The following ATRN variants were observed in gnomAD, a reference collection of about 807,000 sequenced individuals.
ATRN encodes attractin-2.
ATRN carries 54 observed loss-of-function variants against 178.7 expected under a neutral mutation model. That is an observed-to-expected ratio of 0.30 (90% CI 0.24 to 0.38). The LOEUF (loss-of-function observed/expected upper bound fraction) is 0.38. Among genes scored for constraint, ATRN ranks in the 10% least tolerant of loss-of-function variants. The pLI, the probability that ATRN is intolerant of heterozygous loss-of-function variation, is 1.00. For synonymous variants in ATRN, 636 were observed against 663.0 expected, an observed-to-expected ratio of 0.96 and a Z score of 0.63; for missense variants, 1,443 against 1,815.1, an observed-to-expected ratio of 0.79 and a Z score of 3.73.
In ATRN at chr20:3,638,905, G is replaced by T. The variant is rs1321820372; in HGVS notation, c.4020G>T (p.Glu1340Asp). The T allele has an allele frequency of 6.2e-7, 1 of 1,614,130 alleles. No individual in the cohort carries two copies. Among genetic ancestry groups the T allele is most frequent in the African/African-American group, 1.3e-5 (1 of 75,034 alleles). ...ATGTCGCCTTGGAAACAGATGAGGAGCCTCCTGATCTTATTGGGGGGAGTA... is the reference window on the plus strand; with the variant it reads ...ATGTCGCCTTGGAAACAGATGAGGATCCTCCTGATCTTATTGGGGGGAGTA... ...SVNVALETDE[E>D]PPDLIGGSIK... Residue 1340 changes from glutamate (E) to aspartate (D), a missense_variant, in exon 27 of 29, where the codon GAG becomes GAT. By Grantham distance (45) the Glu-to-Asp change is conservative. Transcript: ENST00000262919. This position sits in a 1 kb window ranked among gnomAD's most constrained non-coding sequence, Gnocchi z 4.5.
chr20:3,514,723 G>C lies in ATRN; in HGVS notation c.411-20530G>C, dbSNP rs146231820. 2.0e-3 allele frequency among the ~76,000 whole-genome samples: 308 copies of C among 152,238 alleles called. 2 individuals are homozygous for C. The highest frequency in any genetic ancestry group is 6.7e-3 in the African/African-American group (277 of 41,552). ...GCCTGTAATCCTAACACTTTGGGAG[G>C]CTGAGGTGGGAAGATTGCTTGAGGC... On this transcript the variant is annotated intron_variant, in intron 1 of 28. Transcript: ENST00000262919.
intron 25 of ATRN, among the ~76,000 whole-genome samples, chr20:3,633,382 C>T (rs892307048): frequency 6.6e-6 from 1 of 152,182 alleles, no homozygotes; most frequent in Non-Finnish European, 1.5e-5. Flanking sequence ...CTCCAGCCAG[C>T]CCAGGAGGGC....
At chr20:3,578,485 G>A (rs1045674057) in intron 14 of ATRN, 97 bp from the exon 15 acceptor site, 13 of 1,119,870 alleles carry the variant, frequency 1.2e-5, no homozygotes, top group Admixed American at 1.0e-4. Context: ...ATTTAAATTA[G>A]AAAGGCCATT....
chr20:3,568,454 A>G (rs1482485573), intron 11 of ATRN, among the ~76,000 whole-genome samples: 1 of 152,160 alleles, frequency 6.6e-6, no homozygotes, highest in Non-Finnish European at 1.5e-5. Flanking sequence ...TTGAGGCTGC[A>G]GTGAGCTATG....
chr20:3,627,188 G>T (rs2086948528), intron 25 of ATRN, among the ~76,000 whole-genome samples: 1 of 152,156 alleles, frequency 6.6e-6, no homozygotes, highest in Admixed American at 6.5e-5. Flanking sequence ...GTGCTTCGAG[G>T]TTATAGCTGT....
At chr20:3,534,819 A>AT (rs914331378) in intron 1 of ATRN, among the ~76,000 whole-genome samples, 1 of 152,104 alleles carries the variant, frequency 6.6e-6, no homozygotes, top group Non-Finnish European at 1.5e-5. Flanking sequence ...AATTTAAGAA[A>AT]TTTATCGCTG....
intron 26 of ATRN, among the ~76,000 whole-genome samples, chr20:3,636,860 TGCACTAAGTGAAAGG>T (rs2087028951): frequency 6.6e-6 from 1 of 152,184 alleles, no homozygotes; most frequent in Admixed American, 6.6e-5. Context: ...TTCTAGACTG[TGCACTAAGTGAAAGG>T]GCACTAAGAA....
intron 14 of ATRN, among the ~76,000 whole-genome samples, chr20:3,578,120 T>G (rs1270524014): frequency 6.6e-6 from 1 of 152,216 alleles, no homozygotes; most frequent in Non-Finnish European, 1.5e-5. Context: ...GTACACTTGA[T>G]TGTACCTTCC....
chr20:3,595,594 T>C (rs2086518066), intron 20 of ATRN, among the ~76,000 whole-genome samples: 1 of 152,218 alleles, frequency 6.6e-6, no homozygotes, highest in Non-Finnish European at 1.5e-5. Flanking sequence ...CAGAAAAATG[T>C]CATCGAGCAA....
At chr20:3,629,317 T>C in intron 25 of ATRN, 1 of 984,838 alleles carries the variant, frequency 1.0e-6, no homozygotes, top group South Asian at 4.7e-5. Context: ...CGCTTTTCCA[T>C]ATTCAGCTTG....
chr20:3,551,429 C>G (rs868080500), intron 6 of ATRN, among the ~76,000 whole-genome samples: 1 of 152,144 alleles, frequency 6.6e-6, no homozygotes, highest in Non-Finnish European at 1.5e-5. Flanking sequence ...CTGAGACCAC[C>G]TTTTTACTTA....
chr20:3,637,451 T>TA (rs1041916662), intron 26 of ATRN, among the ~76,000 whole-genome samples: 2 of 152,088 alleles, frequency 1.3e-5, no homozygotes, highest in Non-Finnish European at 2.9e-5. Flanking sequence ...CCTACAGCTT[T>TA]AAAAAATGTA....
At chr20:3,582,772 A>G (rs1169493769) in intron 16 of ATRN, among the ~76,000 whole-genome samples, 1 of 152,186 alleles carries the variant, frequency 6.6e-6, no homozygotes, top group Non-Finnish European at 1.5e-5. Flanking sequence ...AGTGTTCAGA[A>G]AGGTAGTGTC....
chr20:3,544,148 A>G (rs1424544067), intron 3 of ATRN, among the ~76,000 whole-genome samples: 1 of 152,170 alleles, frequency 6.6e-6, no homozygotes, highest in Non-Finnish European at 1.5e-5. Flanking sequence ...GTATGCATTT[A>G]TATAGGTATG....
chr20:3,555,251 C>T (rs1026608558), intron 6 of ATRN, among the ~76,000 whole-genome samples: 2 of 152,032 alleles, frequency 1.3e-5, no homozygotes, highest in Non-Finnish European at 2.9e-5. Flanking sequence ...GATCCACCCG[C>T]CTCGGCCTCC....
intron 1 of ATRN, among the ~76,000 whole-genome samples, chr20:3,528,241 G>A (rs1205548243): frequency 3.3e-5 from 5 of 151,858 alleles, no homozygotes; most frequent in East Asian, 1.9e-4. Flanking sequence ...GGTGGTGGGC[G>A]CCTGTAATCC....
At chr20:3,565,024 C>G (rs2146228222) in intron 10 of ATRN, among the ~76,000 whole-genome samples, 1 of 152,200 alleles carries the variant, frequency 6.6e-6, no homozygotes, top group Admixed American at 6.5e-5. Context: ...GAGATCACAC[C>G]ACTGCACTCC....
At chr20:3,577,407 GAGA>G (rs1317315182) in intron 14 of ATRN, among the ~76,000 whole-genome samples, 1 of 152,172 alleles carries the variant, frequency 6.6e-6, no homozygotes, top group African/African-American at 2.4e-5. Context: ...GGCCTTCTCT[GAGA>G]AGGAGAGGAT....
chr20:3,589,969 G>A (rs1807405610), intron 18 of ATRN, among the ~76,000 whole-genome samples: 1 of 152,192 alleles, frequency 6.6e-6, no homozygotes, highest in South Asian at 2.1e-4. Context: ...TTATTTTTGA[G>A]ATGGAGTTTC....
Sources: gnomAD v4.1 joint callset for allele counts (sites outside exome capture counted in the v4.1 genomes callset) on GRCh38, gnomAD v4.1.1 for gene constraint, Gnocchi (gnomAD v3.1) non-coding constraint, MANE v1.5 for transcripts, NCBI Gene and HGNC (gene_info 2026-07-23, HGNC 2026-07-21) for gene names.